Variants in FBXO34 observed in about 807,000 individuals in gnomAD.
FBXO34 encodes the protein F-box protein 34, also known as F-box only protein 34.
In FBXO34, 12 loss-of-function variants were observed where a neutral mutation model predicts 24.5. The ratio of observed to expected loss-of-function variants is 0.49; its 90% CI spans 0.31 to 0.79. The LOEUF (loss-of-function observed/expected upper bound fraction) is 0.79. Among genes scored for constraint, FBXO34 ranks in the 30% least tolerant of loss-of-function variants. The probability of loss-of-function intolerance (pLI) is 0.04; values close to 1 mark genes in which losing one functional copy is unlikely to be tolerated. For missense variants in FBXO34, 823 were observed against 857.7 expected, an observed-to-expected ratio of 0.96 and a Z score of 0.51; for synonymous variants, 320 against 311.9, an observed-to-expected ratio of 1.03 and a Z score of -0.27.
chr14:55,421,764 C>A, the FBXO34 span, among the ~76,000 whole-genome samples: 1 of 152,136 alleles, frequency 6.6e-6, no homozygotes, highest in Admixed American at 6.5e-5. Flanking sequence ...TACCCAGAAA[C>A]TTTCCCCTCT....
At chr14:55,371,139 G>C (rs1306839047), downstream of FBXO34, among the ~76,000 whole-genome samples, 1 of 152,152 alleles carries the variant, frequency 6.6e-6, no homozygotes, top group Non-Finnish European at 1.5e-5. Flanking sequence ...ACGATGCCTT[G>C]GTTCATTTAA....
chr14:55,370,034 C>A (rs1442063462), downstream of FBXO34: 31 of 1,050,354 alleles, frequency 3.0e-5, no homozygotes, highest in South Asian at 3.9e-5. Flanking sequence ...ACGCCGCACA[C>A]CCCATTCATT....
chr14:55,373,893 T>C (rs577764567), downstream of FBXO34, among the ~76,000 whole-genome samples: 1 of 152,266 alleles, frequency 6.6e-6, no homozygotes, highest in East Asian at 1.9e-4. Context: ...CCAGGTTCCA[T>C]GAACAATCTT....
At position 55,284,386 on chromosome 14, in the gene FBXO34, G is replaced by T. The variant is rs964306960; in HGVS notation, c.-11+12849G>T. ...AAATTAGCCGGGCGTGGTGGTACAT[G>T]TCTGTAATCCCAGCTACTCGGGAGG... On this transcript the variant is annotated intron_variant, in intron 1 of 1. Transcript: ENST00000313833. 7.3e-5 allele frequency among the ~76,000 whole-genome samples: 11 copies of T among 151,706 alleles called. No homozygotes were observed. The South Asian group carries it at 8.3e-4, about 11-fold the overall frequency.
At chr14:55,373,711 A>C (rs1884865844), downstream of FBXO34, among the ~76,000 whole-genome samples, 1 of 151,856 alleles carries the variant, frequency 6.6e-6, no homozygotes, top group African/African-American at 2.4e-5. Flanking sequence ...CGCCCACCTC[A>C]GCCTCCCAAA....
intron 1 of FBXO34, among the ~76,000 whole-genome samples, chr14:55,323,184 C>A (rs1375638676): frequency 4.1e-4 from 5 of 12,160 alleles, no homozygotes; most frequent in African/African-American, 1.0e-3. Context: ...GACTCTGTCT[C>A]AAAAAAAAAA....
the FBXO34 span, among the ~76,000 whole-genome samples, chr14:55,405,126 G>C: frequency 6.6e-6 from 1 of 152,174 alleles, no homozygotes; most frequent in African/African-American, 2.4e-5. Flanking sequence ...ACAGTCGTAA[G>C]GCTGATGAAC....
the FBXO34 span, among the ~76,000 whole-genome samples, chr14:55,416,457 AAAAAT>A: frequency 1.3e-5 from 2 of 152,192 alleles, no homozygotes; most frequent in Admixed American, 6.5e-5. Flanking sequence ...TAAAAAGAGA[AAAAAT>A]AAAGAGAAGA....
rs928392960 is a variant in FBXO34 at position 55,298,683 on chromosome 14, C to G, written c.-11+27146C>G. 6.6e-5 allele frequency: 103 copies of G among 1,554,562 alleles called. 1 individual carries two copies. The Admixed American group carries it at 1.1e-3, about 17-fold the overall frequency. ...AGGGGGTAAGGCCGGCAAGGGCGGC[C>G]TGACCCTCCAGGAGGCCATCCAGCG... On this transcript the variant is annotated intron_variant, in intron 1 of 1. Transcript: ENST00000313833.
In FBXO34 at chr14:55,351,335, A is replaced by G; in HGVS notation, c.945A>G (p.Val315=). 6.2e-7 allele frequency: 1 copy of G among 1,614,188 alleles called. No homozygotes were observed. The highest frequency in any genetic ancestry group is 1.7e-5 in the Admixed American group (1 of 60,030). Residue 315 remains valine, a synonymous_variant, in exon 2 of 2, where the codon GTA becomes GTG. Coordinates refer to ENST00000313833, the MANE Select transcript of FBXO34 (RefSeq NM_017943.4). ...NNSFRRNVGR[V]LLANSTQADE... The stretch of plus-strand genomic sequence containing the variant: ...GCTTCCGTCGAAATGTGGGCAGAGT[A>G]TTGCTTGCAAATAGCACTCAGGCTG...
chr14:55,299,350 C>T (rs909868008), intron 1 of FBXO34: 15 of 453,352 alleles, frequency 3.3e-5, no homozygotes, highest in Admixed American at 6.6e-5. Context: ...CGCATTGCTG[C>T]TCGCTCTCTG....
chr14:55,329,432 G>C (rs1883460205), intron 1 of FBXO34, among the ~76,000 whole-genome samples: 1 of 152,122 alleles, frequency 6.6e-6, no homozygotes, highest in Non-Finnish European at 1.5e-5. Context: ...TGAACACTTA[G>C]AAAGTTAAAA....
chr14:55,369,001 TG>T (rs982975288), downstream of FBXO34: 4 of 152,486 alleles, frequency 2.6e-5, no homozygotes, highest in African/African-American at 9.7e-5. Context: ...CTTTGGTGTG[TG>T]GGGGAAAGAA....
chr14:55,352,090 A>G lies in FBXO34; in HGVS notation c.1700A>G (p.Gln567Arg). 2 of 1,614,216 alleles carry G rather than the reference A, an allele frequency of 1.2e-6. No individual in the cohort carries two copies. Among genetic ancestry groups the G allele is most frequent in the Admixed American group, 1.7e-5 (1 of 60,024 alleles). ...CTGGAGACCAGGTTTAAAATCCAGC[A>G]GCTTTTGGAGCCTCAGCAGTACATG... is the stretch of plus-strand genomic sequence containing the variant. ...DFLETRFKIQ[Q>R]LLEPQQYMAF... Residue 567 changes from glutamine (Q) to arginine (R), a missense_variant, in exon 2 of 2, where the codon CAG becomes CGG. This residue lies in a region of FBXO34 where 130 missense variants were observed against 198.6 expected (regional missense o/e 0.65). Coordinates refer to ENST00000313833, the MANE Select transcript of FBXO34 (RefSeq NM_017943.4).
At chr14:55,380,880 T>A in the FBXO34 span, among the ~76,000 whole-genome samples, 71 of 144,656 alleles carry the variant, frequency 4.9e-4, no homozygotes, top group East Asian at 3.0e-3. Context: ...TATATATTTT[T>A]TTTTTTTTTT....
At chr14:55,323,624 G>A (rs901420585) in intron 1 of FBXO34, among the ~76,000 whole-genome samples, 11 of 151,906 alleles carry the variant, frequency 7.2e-5, no homozygotes, top group East Asian at 1.9e-4. Context: ...GTCATGATCC[G>A]CCTGCCTCAG....
chr14:55,440,469 G>C, the FBXO34 span: 4 of 1,611,620 alleles, frequency 2.5e-6, no homozygotes, highest in Non-Finnish European at 3.4e-6. Context: ...TCCCACTGTT[G>C]GGGGTGGGGG....
chr14:55,411,758 A>C, the FBXO34 span: 1 of 1,607,210 alleles, frequency 6.2e-7, no homozygotes, highest in South Asian at 1.1e-5. Flanking sequence ...GTCCCGGGCG[A>C]GCGGCCGGGG....
chr14:55,374,816 T>C (rs1884888346), downstream of FBXO34, among the ~76,000 whole-genome samples: 1 of 152,210 alleles, frequency 6.6e-6, no homozygotes. Context: ...TATTTCCACA[T>C]ATACAAGAGT....
Sources: gnomAD v4.1 joint callset for allele counts (sites outside exome capture counted in the v4.1 genomes callset) on GRCh38, gnomAD v4.1.1 for gene constraint, gnomAD v4.1.1 regional missense constraint, MANE v1.5 for transcripts, NCBI Gene and HGNC (gene_info 2026-07-23, HGNC 2026-07-21) for gene names.